Variants in GRM7 observed in about 807,000 individuals in gnomAD.
The protein encoded by GRM7 is glutamate metabotropic receptor 7, also known as metabotropic glutamate receptor 7.
GRM7 carries 35 observed loss-of-function variants against 84.5 expected under a neutral mutation model. That is an observed-to-expected ratio of 0.41 (90% CI 0.32 to 0.55). The LOEUF is 0.55. Among genes scored for constraint, GRM7 ranks in the 20% least tolerant of loss-of-function variants. The pLI is 0.19. For missense variants in GRM7, 1,003 were observed against 1,194.6 expected (o/e 0.84, Z 2.36); for synonymous variants, 487 against 455.1 (o/e 1.07, Z -0.89).
At chr3:6,999,784 G>T (rs1295143935) in intron 1 of GRM7, among the ~76,000 whole-genome samples, 1 of 152,070 alleles carries the variant, frequency 6.6e-6, no homozygotes, top group Non-Finnish European at 1.5e-5. Context: ...TCACTATCAC[G>T]AGAACAGCAT....
intron 4 of GRM7, among the ~76,000 whole-genome samples, chr3:7,412,412 A>G (rs1158661784): frequency 2.0e-5 from 3 of 152,106 alleles, no homozygotes; most frequent in African/African-American, 7.2e-5. Flanking sequence ...TGACATTCTG[A>G]TAGGTTTCCC....
rs1699121331 is a variant in GRM7 at position 7,655,106 on chromosome 3, C to G, written c.2452-24943C>G. Among the ~76,000 whole-genome samples the G allele has an allele frequency of 2.0e-5, 3 of 152,180 alleles. No homozygotes were observed. The South Asian group carries it at 6.2e-4, about 32-fold the overall frequency. ...CTCAGGCCTGGTTGTGACCTGCCAA[C>G]CACAGGGACATCTGTGGTGGGTTAT... On this transcript the variant is annotated intron_variant, in intron 8 of 9. Transcript: ENST00000357716.
At chr3:7,330,849 A>C (rs777604314) in intron 4 of GRM7, among the ~76,000 whole-genome samples, 2 of 152,102 alleles carry the variant, frequency 1.3e-5, no homozygotes, top group Non-Finnish European at 2.9e-5. Context: ...CTACTTTCAC[A>C]CCTAGAGACA....
At chr3:7,475,416 G>A (rs529274951) in intron 7 of GRM7, among the ~76,000 whole-genome samples, 105 of 152,260 alleles carry the variant, frequency 6.9e-4, no homozygotes, top group African/African-American at 2.5e-3. Flanking sequence ...TATCATTGAT[G>A]TTGGTAGTCA....
At chr3:7,133,270 C>T (rs959856132) in intron 1 of GRM7, among the ~76,000 whole-genome samples, 2 of 152,162 alleles carry the variant, frequency 1.3e-5, no homozygotes, top group Admixed American at 1.3e-4. Flanking sequence ...TTTGTGACTA[C>T]AGAGTGATGG....
In GRM7 at chr3:7,478,106, G is replaced by C. The variant is rs572754049; in HGVS notation, c.1515+16384G>C. Among the ~76,000 whole-genome samples, 107 of 152,082 alleles carry C rather than the reference G, an allele frequency of 7.0e-4. 1 individual carries two copies. The South Asian group carries it at 0.021, about 29-fold the overall frequency. On this transcript the variant is annotated intron_variant, in intron 7 of 9. Transcript: ENST00000357716. Reference sequence around the variant, plus strand: ...TTGAAACATGAACTTGGCTGTCCTTGTTTCTCTGTGGTGATTATGACTTCC... The same window carrying C: ...TTGAAACATGAACTTGGCTGTCCTTCTTTCTCTGTGGTGATTATGACTTCC...
chr3:7,013,762 C>G (rs1342727962), intron 1 of GRM7, among the ~76,000 whole-genome samples: 1 of 152,054 alleles, frequency 6.6e-6, no homozygotes, highest in Non-Finnish European at 1.5e-5. Context: ...AACCCTATCT[C>G]TTACAATTTT....
chr3:6,869,643 G>A (rs1362652760), intron 1 of GRM7, among the ~76,000 whole-genome samples: 2 of 134,648 alleles, frequency 1.5e-5, no homozygotes, highest in African/African-American at 5.5e-5. Context: ...AGAACAGTGA[G>A]ACAGATAGAA....
intron 1 of GRM7, among the ~76,000 whole-genome samples, chr3:6,984,101 C>G (rs1694309263): frequency 6.6e-6 from 1 of 152,156 alleles, no homozygotes; most frequent in African/African-American, 2.4e-5. Context: ...TACCTTGCCA[C>G]TTTTAATTTT....
intron 1 of GRM7, among the ~76,000 whole-genome samples, chr3:7,012,180 G>C (rs993236259): frequency 3.9e-5 from 6 of 152,206 alleles, no homozygotes; most frequent in African/African-American, 1.4e-4. Flanking sequence ...TCCTGTACAT[G>C]AGTGACGCCA....
chr3:7,633,521 G>T (rs1697944706), intron 8 of GRM7, among the ~76,000 whole-genome samples: 1 of 152,124 alleles, frequency 6.6e-6, no homozygotes, highest in Admixed American at 6.5e-5. Flanking sequence ...TGGGGCTGGT[G>T]TGCATAGCGG....
rs142466825 is a variant in GRM7, at chr3:7,164,847, C to A, written c.736+18179C>A. On this transcript the variant is annotated intron_variant, in intron 2 of 9. Transcript: ENST00000357716. ...GTAATGATAGACTCAAAGGCAGAGT[C>A]TAGGAGAGAAGATCTGGTTAGGTCC... Among the ~76,000 whole-genome samples the A allele has an allele frequency of 4.4e-3, 665 of 152,286 alleles. 2 individuals are homozygous for A. Among genetic ancestry groups the A allele is most frequent in the African/African-American group, 0.015 (626 of 41,544 alleles).
At position 7,056,554 on chromosome 3, in the gene GRM7, C is replaced by G. The variant is rs116428098; in HGVS notation, c.520-89898C>G. Among the ~76,000 whole-genome samples the G allele has an allele frequency of 5.8e-3, 875 of 152,052 alleles. 9 individuals are homozygous for G. Among genetic ancestry groups the G allele is most frequent in the African/African-American group, 0.02 (836 of 41,514 alleles). ...ATCATCTTTGTTAAATAAAGTTCCA[C>G]TTTTTGGAATAAGTATACACAGTTG... is the stretch of plus-strand genomic sequence containing the variant. On this transcript the variant is annotated intron_variant, in intron 1 of 9. Coordinates refer to ENST00000357716, the MANE Select transcript of GRM7 (RefSeq NM_000844.4).
At position 6,947,988 on chromosome 3, in the gene GRM7, A is replaced by G. The variant is rs182116761; in HGVS notation, c.519+86081A>G. 7.2e-5 allele frequency among the ~76,000 whole-genome samples: 11 copies of G among 152,036 alleles called. No individual in the cohort carries two copies. The East Asian group carries it at 2.1e-3, about 29-fold the overall frequency. On this transcript the variant is annotated intron_variant, in intron 1 of 9. Transcript: ENST00000357716. The stretch of plus-strand genomic sequence containing the variant: ...TGCTAGCAGTCTATCAATTTTGTTG[A>G]TCTTTTCAAAAAACCAGCTCCTGGA...
At chr3:7,439,509 G>A (rs754001570) in intron 5 of GRM7, among the ~76,000 whole-genome samples, 9 of 152,060 alleles carry the variant, frequency 5.9e-5, no homozygotes, top group Non-Finnish European at 7.4e-5. Flanking sequence ...TCTGTCTTCC[G>A]CCAACACCCA....
At chr3:7,738,402 A>G (rs78766544) in intron 9 of GRM7, among the ~76,000 whole-genome samples, 48 of 152,200 alleles carry the variant, frequency 3.2e-4, no homozygotes, top group African/African-American at 1.2e-3. Flanking sequence ...TCTCAAGGCC[A>G]CAGAGAACAC....
At chr3:7,628,631 T>A (rs1697727236) in intron 8 of GRM7, among the ~76,000 whole-genome samples, 1 of 152,176 alleles carries the variant, frequency 6.6e-6, no homozygotes, top group South Asian at 2.1e-4. Flanking sequence ...TCAATAATTA[T>A]ACGTCTAACT....
intron 1 of GRM7, among the ~76,000 whole-genome samples, chr3:6,912,374 C>T (rs562395948): frequency 6.6e-6 from 1 of 152,012 alleles, no homozygotes; most frequent in Non-Finnish European, 1.5e-5. Flanking sequence ...GTTGGTGGAA[C>T]GTTTTAAAGG....
intron 1 of GRM7, among the ~76,000 whole-genome samples, chr3:7,040,665 T>C (rs1255224751): frequency 1.3e-5 from 2 of 152,124 alleles, no homozygotes; most frequent in Non-Finnish European, 2.9e-5. Flanking sequence ...AGTATGAATC[T>C]GGTCCTTTGC....
Sources: allele counts gnomAD v4.1 joint callset (sites outside exome capture counted in the v4.1 genomes callset), GRCh38; gene constraint gnomAD v4.1.1; transcripts MANE v1.5; gene names NCBI Gene and HGNC (gene_info 2026-07-23, HGNC 2026-07-21).